Variants in DLC1 observed in about 807,000 individuals in gnomAD.
The protein encoded by DLC1 is rho GTPase-activating protein 7.
Under a neutral mutation model 140.3 loss-of-function variants are expected in DLC1, and 54 were observed. The observed-to-expected ratio is 0.38, with a 90% CI of 0.31 to 0.48. DLC1 has a LOEUF of 0.48. Among genes scored for constraint, DLC1 ranks in the 20% least tolerant of loss-of-function variants. The probability of loss-of-function intolerance (pLI) is 0.96; values close to 1 mark genes in which losing one functional copy is unlikely to be tolerated. For missense variants in DLC1, 2,536 were observed against 1,907.0 expected, an observed-to-expected ratio of 1.33 and a Z score of -6.14; for synonymous variants, 986 against 728.1, an observed-to-expected ratio of 1.35 and a Z score of -5.70.
At chr8:13,528,313 G>T (rs17222409) in intron 1 of DLC1, among the ~76,000 whole-genome samples, 39,275 of 151,808 alleles carry the variant, frequency 0.26, 6,356 homozygotes, top group Middle Eastern at 0.38. Context: ...CAATGACCAG[G>T]TTTTCATTTA....
intron 2 of DLC1, among the ~76,000 whole-genome samples, chr8:13,491,798 G>T (rs1801258672): frequency 1.3e-5 from 2 of 152,132 alleles, no homozygotes; most frequent in East Asian, 3.9e-4. Context: ...AATGGTGGTG[G>T]TTGTATGACT....
At chr8:13,273,647 T>C (rs1235993612) in intron 5 of DLC1, among the ~76,000 whole-genome samples, 1 of 149,716 alleles carries the variant, frequency 6.7e-6, no homozygotes, top group Non-Finnish European at 1.5e-5. Flanking sequence ...TAAATGATGC[T>C]TTTTGTACAT....
Position 13,083,448 on chromosome 8 carries a change from G to C in DLC1, c.*2363C>G, listed in dbSNP as rs115549969. On this transcript the variant is annotated 3_prime_UTR_variant, in exon 18 of 18. Transcript: ENST00000276297. ...CAGGGGATTATAAAGATGTGTAAGA[G>C]ACAAGCCCTGCCCTCAAAGAGCTTA... 6.6e-6 allele frequency: 1 copy of C among 152,142 alleles called. No individual in the cohort carries two copies. Among genetic ancestry groups the C allele is most frequent in the African/African-American group, 2.4e-5 (1 of 41,428 alleles). The allele number at this position is 152,142 out of a possible 1,614,324, so 9.4% of individuals were successfully genotyped here. A position where few individuals can be genotyped will look rare whatever the true frequency, so the allele number is the denominator to read the frequency against.
At chr8:13,424,218 G>T (rs1272686322) in intron 2 of DLC1, among the ~76,000 whole-genome samples, 1 of 152,068 alleles carries the variant, frequency 6.6e-6, no homozygotes, top group African/African-American at 2.4e-5. Flanking sequence ...AAAAATCAAG[G>T]CCGGGTTCGG....
At chr8:13,310,919 A>G (rs1168885956) in intron 4 of DLC1, among the ~76,000 whole-genome samples, 1 of 152,178 alleles carries the variant, frequency 6.6e-6, no homozygotes, top group Non-Finnish European at 1.5e-5. Flanking sequence ...CAGAATTTTT[A>G]CTATATCCAT....
At chr8:13,378,163 C>T (rs1320504337) in intron 4 of DLC1, among the ~76,000 whole-genome samples, 4 of 137,902 alleles carry the variant, frequency 2.9e-5, no homozygotes, top group Admixed American at 2.9e-4. Context: ...ATGTGCCATG[C>T]ATATGTAACA....
At chr8:13,536,072 A>C (rs747703763) in intron 1 of DLC1, 1 of 152,278 alleles carries the variant, frequency 6.6e-6, no homozygotes, top group African/African-American at 2.4e-5. Context: ...CTTGGAAGCT[A>C]AGCAGGATTG....
chr8:13,416,163 C>G (rs1361711022), intron 2 of DLC1, among the ~76,000 whole-genome samples: 4 of 152,174 alleles, frequency 2.6e-5, no homozygotes, highest in Admixed American at 6.5e-5. Flanking sequence ...CTTCTCTGGA[C>G]TTATCACTTT....
chr8:13,456,079 C>G (rs1158155628), intron 2 of DLC1, among the ~76,000 whole-genome samples: 1 of 152,106 alleles, frequency 6.6e-6, no homozygotes. Flanking sequence ...GGAAAAGCAT[C>G]ATTTCTTTTC....
At chr8:13,104,331 G>C (rs139851342) in intron 7 of DLC1, among the ~76,000 whole-genome samples, 1 of 131,324 alleles carries the variant, frequency 7.6e-6, no homozygotes, top group South Asian at 2.6e-4. Context: ...ATTTAGTTTC[G>C]TTGAAAATAA....
chr8:13,600,816 T>C (rs1805850987), intron 1 of DLC1, among the ~76,000 whole-genome samples: 1 of 151,852 alleles, frequency 6.6e-6, no homozygotes, highest in Non-Finnish European at 1.5e-5. Flanking sequence ...CAAGTGTAGA[T>C]TTATAAGCAA....
intron 5 of DLC1, among the ~76,000 whole-genome samples, chr8:13,144,542 G>T (rs992653176): frequency 1.3e-5 from 2 of 152,152 alleles, no homozygotes; most frequent in African/African-American, 4.8e-5. Flanking sequence ...GAGGCAGGCA[G>T]ATCACGAGAT....
intron 1 of DLC1, among the ~76,000 whole-genome samples, chr8:13,501,497 T>C (rs977827410): frequency 4.6e-5 from 7 of 152,218 alleles, no homozygotes; most frequent in African/African-American, 1.7e-4. Context: ...GTTGAGTTAC[T>C]GATTTCTGCT....
chr8:13,308,861 G>A (rs990243544), intron 4 of DLC1, among the ~76,000 whole-genome samples: 1 of 152,082 alleles, frequency 6.6e-6, no homozygotes, highest in African/African-American at 2.4e-5. Flanking sequence ...TCTCATCCTT[G>A]GTTTCTGAGA....
intron 5 of DLC1, among the ~76,000 whole-genome samples, chr8:13,131,176 T>G (rs1233216392): frequency 6.6e-6 from 1 of 152,184 alleles, no homozygotes; most frequent in African/African-American, 2.4e-5. Flanking sequence ...GCAACTCCAT[T>G]AATTCCACAC....
At position 13,099,706 on chromosome 8, in the gene DLC1, G is replaced by A; in HGVS notation, c.2631C>T (p.Ser877=). The A allele has an allele frequency of 6.2e-7, 1 of 1,614,178 alleles. No homozygotes were observed. The highest frequency in any genetic ancestry group is 8.5e-7 in the Non-Finnish European group (1 of 1,180,010). Reference sequence around the variant, plus strand: ...TGGAGCCCGGCACGTTGTCGTAGATGCTCAGGCGGCTGCTCATGGAGCTGG... The same window carrying A: ...TGGAGCCCGGCACGTTGTCGTAGATACTCAGGCGGCTGCTCATGGAGCTGG... ...NSSSSMSSRL[S]IYDNVPGSIL... Residue 877 remains serine (S), a synonymous_variant, in exon 9 of 18, where the codon AGC becomes AGT. Transcript: ENST00000276297.
intron 5 of DLC1, among the ~76,000 whole-genome samples, chr8:13,292,932 C>G (rs1831817719): frequency 6.6e-6 from 1 of 152,100 alleles, no homozygotes; most frequent in South Asian, 2.1e-4. Flanking sequence ...AATTAAAAAC[C>G]AAATTGCAGG....
At chr8:13,547,214 C>G (rs1423393810) in intron 1 of DLC1, among the ~76,000 whole-genome samples, 5 of 151,926 alleles carry the variant, frequency 3.3e-5, no homozygotes, top group Non-Finnish European at 7.4e-5. Flanking sequence ...AACAACTGAA[C>G]AATTTTTTTA....
In DLC1 at chr8:13,550,497, C is replaced by A. The variant is rs570352175; in HGVS notation, c.-125-50301G>T. On this transcript the variant is annotated intron_variant, in intron 1 of 1. Transcript: ENST00000631382. ...CTTCTTGAGCTATATACAGGCAATT[C>A]GAATTTTAAAAGTCAAAAGGAAGGT... is the stretch of plus-strand genomic sequence containing the variant. Among the ~76,000 whole-genome samples, 222 of 152,078 alleles carry A rather than the reference C, an allele frequency of 1.5e-3. 1 individual carries two copies. Among genetic ancestry groups the A allele is most frequent in the Non-Finnish European group, 2.1e-3 (143 of 67,990 alleles).
Sources: allele counts gnomAD v4.1 joint callset (sites outside exome capture counted in the v4.1 genomes callset), GRCh38; gene constraint gnomAD v4.1.1; transcripts MANE v1.5; gene names NCBI Gene and HGNC (gene_info 2026-07-23, HGNC 2026-07-21).